The following CIITA variants were observed in gnomAD, a reference collection of about 807,000 sequenced individuals.
CIITA encodes the protein class II major histocompatibility complex transactivator, also known as MHC class II transactivator.
In CIITA, 72 loss-of-function variants were observed where a neutral mutation model predicts 115.1. That is an observed-to-expected ratio of 0.63 (90% CI 0.52 to 0.76). CIITA has a LOEUF of 0.76. Among genes scored for constraint, CIITA ranks in the 30% least tolerant of loss-of-function variants. The pLI, the probability that CIITA is intolerant of heterozygous loss-of-function variation, is 0.00. For missense variants in CIITA, 1,617 were observed against 1,463.8 expected, an observed-to-expected ratio of 1.10 and a Z score of -1.71; for synonymous variants, 763 against 635.6, an observed-to-expected ratio of 1.20 and a Z score of -3.02.
chr16:10,931,865 T>C lies in CIITA; in HGVS notation c.*8010T>C, dbSNP rs1259764139. 1 of 152,256 alleles carries C rather than the reference T, an allele frequency of 6.6e-6. No homozygotes were observed. Among genetic ancestry groups the C allele is most frequent in the Non-Finnish European group, 1.5e-5 (1 of 68,058 alleles). The allele number at this position is 152,256 out of a possible 1,614,324, so 9.4% of individuals were successfully genotyped here. A position where few individuals can be genotyped will look rare whatever the true frequency, so the allele number is the denominator to read the frequency against. On this transcript the variant is annotated 3_prime_UTR_variant, in exon 20 of 20. Coordinates refer to ENST00000324288, the MANE Select transcript of CIITA (RefSeq NM_000246.4). ...GAGATCACGCCACTGCACTATAGCC[T>C]AGGTGACAGAGTGAGACTCTGTCTC...
intron 5 of CIITA, among the ~76,000 whole-genome samples, chr16:10,900,671 C>T (rs2038646134): frequency 6.6e-6 from 1 of 151,248 alleles, no homozygotes; most frequent in South Asian, 2.1e-4. Flanking sequence ...ACCTAAGAAG[C>T]AGAGGTTGCA....
chr16:10,904,917 G>C, intron 10 of CIITA, 105 bp downstream of exon 10: 1 of 1,138,884 alleles, frequency 8.8e-7, no homozygotes, highest in African/African-American at 1.5e-5. Context: ...TTCTTTGTTG[G>C]CTCACACACT....
chr16:10,873,205 C>T (rs1273017594), upstream of CIITA, among the ~76,000 whole-genome samples: 1 of 152,178 alleles, frequency 6.6e-6, no homozygotes, highest in Non-Finnish European at 1.5e-5. Context: ...AACTTCTGGG[C>T]TCAAGCGACA....
Position 10,918,482 on chromosome 16 carries a change from C to T in CIITA, c.3105C>T (p.Leu1035=), listed in dbSNP as rs1297513528. Reference sequence around the variant, plus strand: ...TCACTGACCTGGGTGCCTACAAACTCGCCGAGGCCCTGCCTTCGCTCGCTG... The same window carrying T: ...TCACTGACCTGGGTGCCTACAAACTTGCCGAGGCCCTGCCTTCGCTCGCTG... ...NNITDLGAYK[L]AEALPSLAAS... Residue 1035 remains leucine, a synonymous_variant, in exon 16 of 20, where the codon CTC becomes CTT. Transcript: ENST00000324288. 1.2e-6 allele frequency: 2 copies of T among 1,614,206 alleles called. No homozygotes were observed. Among genetic ancestry groups the T allele is most frequent in the Admixed American group, 1.7e-5 (1 of 60,032 alleles).
chr16:10,880,862 A>G (rs1382553945), intron 1 of CIITA, among the ~76,000 whole-genome samples: 1 of 152,218 alleles, frequency 6.6e-6, no homozygotes, highest in African/African-American at 2.4e-5. Flanking sequence ...AAATGGATAA[A>G]ACATGAGAGC....
In CIITA at chr16:10,923,144, G is replaced by A. The variant is rs879172807; in HGVS notation, c.3318-84G>A. On this transcript the variant is annotated intron_variant, in intron 18 of 19. Coordinates refer to ENST00000324288, the MANE Select transcript of CIITA (RefSeq NM_000246.4). The surrounding 1 kb of genome is among the most constrained non-coding windows in gnomAD (Gnocchi z 5.2). ...CCCAACGTTCTAGGCTGGGTGGAAGGAGGGATTTGGGGGCAGCTGTCACTG... is the reference window on the plus strand; with the variant it reads ...CCCAACGTTCTAGGCTGGGTGGAAGAAGGGATTTGGGGGCAGCTGTCACTG... 3.0e-5 allele frequency: 34 copies of A among 1,124,860 alleles called. No individual in the cohort carries two copies. Among genetic ancestry groups the A allele is most frequent in the Middle Eastern group, 1.9e-4 (1 of 5,134 alleles). 69.7% of individuals were successfully genotyped at this position (1,124,860 alleles called of 1,614,324 possible).
chr16:10,915,521 G>C, intron 13 of CIITA, 49 bp from the exon 14 acceptor site: 1 of 1,453,424 alleles, frequency 6.9e-7, no homozygotes. Context: ...GGCTGAATGA[G>C]GGGCTGTGAC....
At chr16:10,884,788 C>T (rs929519760) in intron 1 of CIITA, among the ~76,000 whole-genome samples, 12 of 152,168 alleles carry the variant, frequency 7.9e-5, no homozygotes, top group African/African-American at 2.9e-4. Context: ...CCAGATGCTG[C>T]AACTTTAGTG....
rs115285596 is a variant in CIITA, at chr16:10,869,260, G to A, written c.-21+2941G>A. Reference sequence around the variant, plus strand: ...CTCCCTGCTCTCATCCCCTACTCCTGTCTGCCTTGTTCATCTACTCCAGCC... The same window carrying A: ...CTCCCTGCTCTCATCCCCTACTCCTATCTGCCTTGTTCATCTACTCCAGCC... On this transcript the variant is annotated intron_variant, in intron 1 of 5. Coordinates refer to the CIITA transcript ENST00000636238. Among the ~76,000 whole-genome samples, 177 of 152,240 alleles carry A rather than the reference G, an allele frequency of 1.2e-3. 1 individual carries two copies. The highest frequency in any genetic ancestry group is 4.0e-3 in the African/African-American group (167 of 41,530).
intron 13 of CIITA, chr16:10,915,019 G>A (rs1231216527): frequency 2.2e-6 from 1 of 455,762 alleles, no homozygotes; most frequent in South Asian, 1.6e-5. Flanking sequence ...GCCCCAAGAT[G>A]GGAGCCCAAC....
intron 10 of CIITA, among the ~76,000 whole-genome samples, chr16:10,905,413 A>G (rs893463723): frequency 2.0e-5 from 3 of 152,162 alleles, no homozygotes; most frequent in African/African-American, 7.2e-5. Context: ...TGACCTCCCC[A>G]TGGTGAGTGA....
At chr16:10,886,725 A>G (rs1674607213) in intron 1 of CIITA, among the ~76,000 whole-genome samples, 1 of 152,202 alleles carries the variant, frequency 6.6e-6, no homozygotes, top group Non-Finnish European at 1.5e-5. Flanking sequence ...AAGTCACTTT[A>G]GGTAAGTCAC....
intron 1 of CIITA, among the ~76,000 whole-genome samples, chr16:10,870,587 G>C (rs2035415344): frequency 6.6e-6 from 1 of 152,226 alleles, no homozygotes; most frequent in South Asian, 2.1e-4. Context: ...GATGGGTGAT[G>C]ATGGAAAAAG....
rs184496577 is a variant in CIITA at position 10,906,172 on chromosome 16, G to A, written c.1007-327G>A. ...TGTGCCATTGCACGCCAGCCTGGGC[G>A]ACATAGTGAGACCCCATCTCTACAA... On this transcript the variant is annotated intron_variant, in intron 10 of 19. Transcript: ENST00000324288. Among the ~76,000 whole-genome samples, 236 of 152,234 alleles carry A rather than the reference G, an allele frequency of 1.6e-3. 1 individual carries two copies. Among genetic ancestry groups the A allele is most frequent in the East Asian group, 5.0e-3 (26 of 5,178 alleles).
Position 10,907,068 on chromosome 16 carries a change from C to G in CIITA, c.1576C>G (p.Arg526Gly). ...GGCACCGGCGGAGCCCTGCTCCCTC[C>G]GGGGGCTGCTGGCCGGCCTTTTCCA... The part of the protein sequence containing the change: ...GPAPAEPCSL[R>G]GLLAGLFQKK... The change falls in exon 11 of 20, where the codon CGG (arginine) becomes GGG (glycine). Residue 526 changes from arginine (R) to glycine (G), a missense_variant. By Grantham distance (125) the Arg-to-Gly change is moderately radical. Transcript: ENST00000324288. This position sits in a 1 kb window ranked among gnomAD's most constrained non-coding sequence, Gnocchi z 5.0. The G allele has an allele frequency of 6.2e-7, 1 of 1,607,428 alleles. No individual in the cohort carries two copies.
intron 1 of CIITA, chr16:10,866,434 G>C: frequency 3.5e-6 from 2 of 566,792 alleles, no homozygotes; most frequent in South Asian, 2.8e-5. Flanking sequence ...CCATGAGCCT[G>C]ATAGTGAGGC....
In CIITA at chr16:10,902,129, C is replaced by G. The variant is rs775936641; in HGVS notation, c.573C>G (p.Phe191Leu). 1.2e-5 allele frequency: 19 copies of G among 1,614,224 alleles called. No individual in the cohort carries two copies. The highest frequency in any genetic ancestry group is 1.6e-5 in the Non-Finnish European group (19 of 1,180,032). The part of the protein sequence containing the change: ...TLPCLPLPAL[F>L]NQEPASGQMR... ...CCTGCCTGCCACTGCCTGCGCTGTT[C>G]AACCAGGAGCCAGCCTCCGGCCAGA... The change falls in exon 7 of 20, where the codon TTC becomes TTG. Residue 191 changes from phenylalanine (F) to leucine (L), a missense_variant. Physicochemically the swap from Phe to Leu is conservative, Grantham distance 22. Coordinates refer to ENST00000324288, the MANE Select transcript of CIITA (RefSeq NM_000246.4).
At chr16:10,878,219 T>A (rs1013305102) in intron 1 of CIITA, among the ~76,000 whole-genome samples, 5 of 152,166 alleles carry the variant, frequency 3.3e-5, no homozygotes, top group Non-Finnish European at 5.9e-5. Flanking sequence ...CTGAAATGTA[T>A]GGTTTGCTTT....
chr16:10,901,866 G>A lies in CIITA; in HGVS notation c.482-172G>A. 1 of 947,684 alleles carries A rather than the reference G, an allele frequency of 1.1e-6. No homozygotes were observed. Among genetic ancestry groups the A allele is most frequent in the East Asian group, 2.4e-5 (1 of 41,722 alleles). 58.7% of individuals were successfully genotyped at this position (947,684 alleles called of 1,614,324 possible). Reference sequence around the variant, plus strand: ...AGAGCCAAGTCACAAGGAGAGGACTGGGGGACTGCCTGGCACAGAGCAGTT... The same window carrying A: ...AGAGCCAAGTCACAAGGAGAGGACTAGGGGACTGCCTGGCACAGAGCAGTT... On this transcript the variant is annotated intron_variant, in intron 6 of 19. Transcript: ENST00000324288. This position sits in a 1 kb window ranked among gnomAD's most constrained non-coding sequence, Gnocchi z 6.8.
Sources: allele counts gnomAD v4.1 joint callset (sites outside exome capture counted in the v4.1 genomes callset), GRCh38; gene constraint gnomAD v4.1.1; non-coding constraint Gnocchi (gnomAD v3.1); transcripts MANE v1.5; gene names NCBI Gene and HGNC (gene_info 2026-07-23, HGNC 2026-07-21).